GRID2: variants seen among roughly 807,000 people sequenced by gnomAD.
The protein encoded by GRID2 is glutamate ionotropic receptor delta type subunit 2.
In GRID2, 33 loss-of-function variants were observed where a neutral mutation model predicts 114.8. The observed-to-expected ratio is 0.29, with a 90% CI of 0.22 to 0.38. The LOEUF is 0.38. Ranked by LOEUF, GRID2 falls within the 10% of genes least tolerant of loss-of-function variation. GRID2 has a pLI of 1.00. For missense variants in GRID2, 1,184 were observed against 1,257.7 expected (o/e 0.94, Z 0.89); for synonymous variants, 505 against 449.9 (o/e 1.12, Z -1.55).
rs1041971280 is a variant in GRID2 at position 92,638,747 on chromosome 4, A to T, written c.244+48461A>T. Among the ~76,000 whole-genome samples the T allele has an allele frequency of 6.0e-5, 9 of 150,556 alleles. No homozygotes were observed. The South Asian group carries it at 1.7e-3, about 28-fold the overall frequency. ...AAATTTAGAATCTATTGAAAGGGAT[A>T]TTTGTTATTTTTAATAACAAATTTA... is the stretch of plus-strand genomic sequence containing the variant. On this transcript the variant is annotated intron_variant, in intron 2 of 15. Transcript: ENST00000282020.
At chr4:92,965,963 C>A (rs930386255) in intron 2 of GRID2, among the ~76,000 whole-genome samples, 1 of 151,892 alleles carries the variant, frequency 6.6e-6, no homozygotes, top group Non-Finnish European at 1.5e-5. Context: ...AAAGTTCATA[C>A]CTTTTGCCAA....
chr4:93,343,163 TG>T lies in GRID2; in HGVS notation c.1246-52443del, dbSNP rs1392713433. The stretch of plus-strand genomic sequence containing the variant: ...GTGACTGTGTGTGTGTGTGTGTGTG[TG>T]TGTGTGTGTGTGTGTGTATTGGGTC... On this transcript the variant is annotated intron_variant, in intron 8 of 15. Coordinates refer to ENST00000282020, the MANE Select transcript of GRID2 (RefSeq NM_001510.4). 5.1e-4 allele frequency among the ~76,000 whole-genome samples: 77 copies of T among 151,612 alleles called. 1 individual carries two copies. Among genetic ancestry groups the T allele is most frequent in the African/African-American group, 1.7e-3 (70 of 41,168 alleles).
At chr4:92,373,938 A>C (rs1465790445) in intron 1 of GRID2, among the ~76,000 whole-genome samples, 1 of 152,110 alleles carries the variant, frequency 6.6e-6, no homozygotes, top group Non-Finnish European at 1.5e-5. Context: ...CTAACTCAGG[A>C]AGTCTGGCTG....
intron 1 of GRID2, among the ~76,000 whole-genome samples, chr4:92,475,570 T>G (rs1330637374): frequency 1.3e-5 from 2 of 152,038 alleles, no homozygotes; most frequent in African/African-American, 4.8e-5. Flanking sequence ...CTTTGGTTAC[T>G]ATAGCTTTGT....
chr4:93,203,053 G>A (rs1406020623), intron 4 of GRID2, among the ~76,000 whole-genome samples: 2 of 152,008 alleles, frequency 1.3e-5, no homozygotes, highest in East Asian at 3.8e-4. Flanking sequence ...CCAAGGTCTA[G>A]GCTATTGAAT....
chr4:92,931,388 A>G (rs988157753), intron 2 of GRID2, among the ~76,000 whole-genome samples: 1 of 151,000 alleles, frequency 6.6e-6, no homozygotes, highest in Admixed American at 6.6e-5. Flanking sequence ...TTACAGATGA[A>G]TCACTGAATA....
At chr4:92,968,270 A>G (rs762282352) in intron 2 of GRID2, among the ~76,000 whole-genome samples, 1 of 151,920 alleles carries the variant, frequency 6.6e-6, no homozygotes, top group Non-Finnish European at 1.5e-5. Flanking sequence ...AACATAAGTT[A>G]TTAATTTTAT....
intron 14 of GRID2, among the ~76,000 whole-genome samples, chr4:93,716,036 G>T (rs1251147167): frequency 1.3e-5 from 2 of 152,094 alleles, no homozygotes; most frequent in Non-Finnish European, 2.9e-5. Context: ...TCCAGCTTTT[G>T]CCCATTCAGT....
chr4:93,297,403 G>GA (rs1754425736), intron 8 of GRID2, among the ~76,000 whole-genome samples: 1 of 151,946 alleles, frequency 6.6e-6, no homozygotes, highest in Admixed American at 6.6e-5. Flanking sequence ...CCTTTTATAT[G>GA]AAAAAAGAGT....
At chr4:93,369,334 A>G (rs185731867) in intron 8 of GRID2, among the ~76,000 whole-genome samples, 118 of 152,332 alleles carry the variant, frequency 7.7e-4, no homozygotes, top group African/African-American at 2.7e-3. Flanking sequence ...CATGTAATCT[A>G]GAACACTCTC....
At chr4:93,282,527 C>G (rs1407880559) in intron 8 of GRID2, 1 of 258,558 alleles carries the variant, frequency 3.9e-6, no homozygotes, top group Non-Finnish European at 7.7e-6. Flanking sequence ...CAGGAAACTA[C>G]TCTCCAGATA....
intron 14 of GRID2, among the ~76,000 whole-genome samples, chr4:93,654,264 CA>C (rs1722818324): frequency 6.6e-6 from 1 of 152,118 alleles, no homozygotes; most frequent in Non-Finnish European, 1.5e-5. Flanking sequence ...AGCCCAGGCA[CA>C]AAGAGAAATG....
At chr4:92,699,207 G>A (rs1734556956) in intron 2 of GRID2, among the ~76,000 whole-genome samples, 1 of 152,106 alleles carries the variant, frequency 6.6e-6, no homozygotes, top group Admixed American at 6.6e-5. Context: ...AAGTTATTTA[G>A]CTTGAAGGAT....
At chr4:92,582,463 C>G (rs1190020114) in intron 1 of GRID2, among the ~76,000 whole-genome samples, 1 of 151,182 alleles carries the variant, frequency 6.6e-6, no homozygotes, top group African/African-American at 2.4e-5. Flanking sequence ...CCCTAAACAC[C>G]CTTAAATATA....
chr4:93,608,039 T>A (rs1378863954), intron 13 of GRID2, among the ~76,000 whole-genome samples: 1 of 138,970 alleles, frequency 7.2e-6, no homozygotes, highest in African/African-American at 2.7e-5. Flanking sequence ...AATGTCTAAC[T>A]TTACATATAT....
At chr4:92,843,463 A>G (rs890544675) in intron 2 of GRID2, among the ~76,000 whole-genome samples, 6 of 152,104 alleles carry the variant, frequency 3.9e-5, no homozygotes, top group Admixed American at 3.3e-4. Flanking sequence ...CTGAAATTTA[A>G]TCTTAGAAAA....
chr4:93,385,532 C>G (rs1039697878), intron 8 of GRID2, among the ~76,000 whole-genome samples: 1 of 152,088 alleles, frequency 6.6e-6, no homozygotes, highest in Non-Finnish European at 1.5e-5. Context: ...GTATACTAGG[C>G]CTGTTCCATG....
intron 9 of GRID2, among the ~76,000 whole-genome samples, chr4:93,398,421 A>C (rs1292696835): frequency 6.6e-6 from 1 of 151,494 alleles, no homozygotes; most frequent in African/African-American, 2.4e-5. Context: ...TTAATGATAC[A>C]TTATACTGTC....
At chr4:92,794,631 C>T (rs1456356806) in intron 2 of GRID2, among the ~76,000 whole-genome samples, 2 of 151,156 alleles carry the variant, frequency 1.3e-5, no homozygotes, top group Admixed American at 6.6e-5. Flanking sequence ...AGTAAACAGA[C>T]GTTTGTCCTA....
Sources: gnomAD v4.1 joint callset for allele counts (sites outside exome capture counted in the v4.1 genomes callset) on GRCh38, gnomAD v4.1.1 for gene constraint, MANE v1.5 for transcripts, NCBI Gene and HGNC (gene_info 2026-07-23, HGNC 2026-07-21) for gene names.